The following MAP3K2 variants were observed in gnomAD, a reference collection of about 807,000 sequenced individuals.
The protein encoded by MAP3K2 is MAP/ERK kinase kinase 2.
MAP3K2 carries 24 observed loss-of-function variants against 80.3 expected under a neutral mutation model. The ratio of observed to expected loss-of-function variants is 0.30; its 90% CI spans 0.22 to 0.42. MAP3K2 has a LOEUF of 0.42. Ranked by LOEUF, MAP3K2 falls within the 10% of genes least tolerant of loss-of-function variation. The probability of loss-of-function intolerance (pLI) is 1.00; values close to 1 mark genes in which losing one functional copy is unlikely to be tolerated. For missense variants in MAP3K2, 608 were observed against 750.1 expected, an observed-to-expected ratio of 0.81 and a Z score of 2.21; for synonymous variants, 244 against 253.7, an observed-to-expected ratio of 0.96 and a Z score of 0.36.
rs1195119687 is a variant in MAP3K2 at position 127,307,438 on chromosome 2, C to A, written c.*141G>T. ...TATTATTATTATTAAACAAATTTAA[C>A]CAAGAATCAAGAGAAATACTTTCCC... is the stretch of plus-strand genomic sequence containing the variant. On this transcript the variant is annotated 3_prime_UTR_variant, in exon 17 of 17. Coordinates refer to ENST00000682094, the MANE Select transcript of MAP3K2 (RefSeq NM_001371910.2). This position sits in a 1 kb window ranked among gnomAD's most constrained non-coding sequence, Gnocchi z 5.4. The A allele has an allele frequency of 1.3e-5, 6 of 457,670 alleles. No individual in the cohort carries two copies. The highest frequency in any genetic ancestry group is 2.3e-5 in the Non-Finnish European group (6 of 257,078). 28.4% of individuals were successfully genotyped at this position (457,670 alleles called of 1,614,324 possible).
intron 1 of MAP3K2, among the ~76,000 whole-genome samples, chr2:127,373,836 GATATCATCAGGATTCCT>G (rs1436360441): frequency 6.6e-6 from 1 of 152,138 alleles, no homozygotes; most frequent in Non-Finnish European, 1.5e-5. Context: ...TTATGACCCT[GATATCATCAGGATTCCT>G]TTAAGTAAAA....
chr2:127,376,326 G>A (rs572622816), intron 1 of MAP3K2, among the ~76,000 whole-genome samples: 4 of 151,948 alleles, frequency 2.6e-5, no homozygotes, highest in South Asian at 2.1e-4. Flanking sequence ...GGGTGGGAAG[G>A]GGGGGAGCGC....
At chr2:127,378,365 C>T (rs1014857255) in intron 1 of MAP3K2, among the ~76,000 whole-genome samples, 1 of 152,212 alleles carries the variant, frequency 6.6e-6, no homozygotes, top group Non-Finnish European at 1.5e-5. Flanking sequence ...CCTTAACAAA[C>T]TAATTTGGCA....
At chr2:127,351,003 T>A (rs141585290) in intron 1 of MAP3K2, among the ~76,000 whole-genome samples, 1 of 152,288 alleles carries the variant, frequency 6.6e-6, no homozygotes, top group East Asian at 1.9e-4. Context: ...AGGGAAGCAT[T>A]AGACAAATCT....
chr2:127,363,701 G>T (rs150816423), intron 1 of MAP3K2, among the ~76,000 whole-genome samples: 11 of 152,240 alleles, frequency 7.2e-5, no homozygotes, highest in African/African-American at 2.6e-4. Context: ...TTTTAAAAAT[G>T]TATTTACTTA....
At chr2:127,313,481 A>T (rs1685845894) in intron 15 of MAP3K2, among the ~76,000 whole-genome samples, 1 of 152,120 alleles carries the variant, frequency 6.6e-6, no homozygotes, top group South Asian at 2.1e-4. Flanking sequence ...ATCACCAGGA[A>T]CTGGTTAGGA....
rs1490495413 is a variant in MAP3K2, at chr2:127,339,684, CTG to C, written c.5-636_5-635del. 6.6e-6 allele frequency among the ~76,000 whole-genome samples: 1 copy of C among 152,162 alleles called. No individual in the cohort carries two copies. Among genetic ancestry groups the C allele is most frequent in the Non-Finnish European group, 1.5e-5 (1 of 68,008 alleles). On this transcript the variant is annotated intron_variant, in intron 2 of 16. Coordinates refer to ENST00000682094, the MANE Select transcript of MAP3K2 (RefSeq NM_001371910.2). The surrounding 1 kb of genome is among the most constrained non-coding windows in gnomAD (Gnocchi z 4.2). ...TAGAAAAAGTACCAAGTCCATAAAA[CTG>C]AGAGAAAGCATCATGAACATGAACT...
At chr2:127,368,344 C>T (rs1207130140) in intron 1 of MAP3K2, among the ~76,000 whole-genome samples, 4 of 138,348 alleles carry the variant, frequency 2.9e-5, no homozygotes, top group East Asian at 4.4e-4. Context: ...ATAAGGCGGT[C>T]GGGCATGGTG....
chr2:127,337,769 G>C lies in MAP3K2; in HGVS notation c.133C>G (p.Arg45Gly). 1 of 1,521,786 alleles carries C rather than the reference G, an allele frequency of 6.6e-7. No individual in the cohort carries two copies. Among genetic ancestry groups the C allele is most frequent in the Non-Finnish European group, 8.9e-7 (1 of 1,122,924 alleles). 94.3% of individuals were successfully genotyped at this position (1,521,786 alleles called of 1,614,324 possible). Residue 45 changes from arginine (R) to glycine (G), a missense_variant, in exon 4 of 17, where the codon CGA becomes GGA. Arg to Gly is a moderately radical substitution (Grantham distance 125, BLOSUM62 -2). Coordinates refer to ENST00000682094, the MANE Select transcript of MAP3K2 (RefSeq NM_001371910.2). ...TCTCCTCTATGTTCAAATTTGACTC[G>C]GACATCATTCTGTAATGAAATGACA... ...SSSPKKQNDV[R>G]VKFEHRGEKR...
Position 127,303,897 on chromosome 2 carries a change from T to C in MAP3K2, c.*3682A>G, listed in dbSNP as rs1005204412. On this transcript the variant is annotated 3_prime_UTR_variant, in exon 17 of 17. Transcript: ENST00000682094. ...AAACTATTCACATCTGATTTTATTT[T>C]CTAAGTGATTTCACATATCTTATAA... 3 of 152,298 alleles carry C rather than the reference T, an allele frequency of 2.0e-5. No individual in the cohort carries two copies. Among genetic ancestry groups the C allele is most frequent in the African/African-American group, 7.2e-5 (3 of 41,564 alleles). The allele number at this position is 152,298 out of a possible 1,614,324, so 9.4% of individuals were successfully genotyped here.
chr2:127,323,374 AAAAG>A (rs200327779), intron 11 of MAP3K2, among the ~76,000 whole-genome samples: 5,070 of 149,618 alleles, frequency 0.034, 115 homozygotes, highest in Middle Eastern at 0.077. Context: ...GGAAAAAAAA[AAAAG>A]AAAGAAAGAA....
At chr2:127,348,954 A>G (rs1184543137) in intron 1 of MAP3K2, among the ~76,000 whole-genome samples, 4 of 152,126 alleles carry the variant, frequency 2.6e-5, no homozygotes, top group Admixed American at 6.5e-5. Context: ...GATCTCCCCA[A>G]TTTCAAATAT....
intron 1 of MAP3K2, among the ~76,000 whole-genome samples, chr2:127,385,099 GGACT>G (rs35629372): frequency 0.24 from 36,638 of 152,016 alleles, 4,603 homozygotes; most frequent in Middle Eastern, 0.31. Flanking sequence ...GGGTTTGAAA[GGACT>G]GACTCCAATT....
chr2:127,385,476 C>T (rs188936712), intron 1 of MAP3K2, among the ~76,000 whole-genome samples: 3 of 152,202 alleles, frequency 2.0e-5, no homozygotes, highest in East Asian at 1.9e-4. Flanking sequence ...CTATATGCAC[C>T]GTGAAACTAA....
Position 127,361,182 on chromosome 2 carries a change from A to G in MAP3K2, c.-65-17988T>C, listed in dbSNP as rs913866119. On this transcript the variant is annotated intron_variant, in intron 1 of 16. Coordinates refer to ENST00000682094, the MANE Select transcript of MAP3K2 (RefSeq NM_001371910.2). ...CAAAAAATTAGCTGGGCATGGTGGC[A>G]GGCGCCTGTAGTCCCAGCTATTCGG... Among the ~76,000 whole-genome samples, 62 of 151,810 alleles carry G rather than the reference A, an allele frequency of 4.1e-4. 1 individual carries two copies. Among genetic ancestry groups the G allele is most frequent in the African/African-American group, 1.4e-3 (58 of 41,328 alleles).
At chr2:127,379,933 G>A (rs929241244) in intron 1 of MAP3K2, among the ~76,000 whole-genome samples, 3 of 152,158 alleles carry the variant, frequency 2.0e-5, no homozygotes, top group African/African-American at 7.2e-5. Flanking sequence ...TTGTTGTAGG[G>A]ATTAAATGAA....
At chr2:127,360,034 A>T (rs1686858166) in intron 1 of MAP3K2, among the ~76,000 whole-genome samples, 2 of 152,224 alleles carry the variant, frequency 1.3e-5, no homozygotes, top group African/African-American at 2.4e-5. Context: ...AGAAAAATGA[A>T]AGCATATGTC....
chr2:127,341,530 G>GTTTTT (rs1341901292), intron 2 of MAP3K2, among the ~76,000 whole-genome samples: 90 of 91,114 alleles, frequency 9.9e-4, no homozygotes, highest in Middle Eastern at 7.9e-3. Context: ...TTTTTTTGTT[G>GTTTTT]TTTTTTTTTT....
chr2:127,315,932 T>C (rs1685893138), intron 14 of MAP3K2, among the ~76,000 whole-genome samples: 2 of 150,764 alleles, frequency 1.3e-5, no homozygotes, highest in African/African-American at 4.9e-5. Flanking sequence ...AAAAATTAGC[T>C]GGGCATGGTG....
Sources: allele counts gnomAD v4.1 joint callset (sites outside exome capture counted in the v4.1 genomes callset), GRCh38; gene constraint gnomAD v4.1.1; non-coding constraint Gnocchi (gnomAD v3.1); transcripts MANE v1.5; gene names NCBI Gene and HGNC (gene_info 2026-07-23, HGNC 2026-07-21).